The following RBFOX1 variants were observed in gnomAD, a reference collection of about 807,000 sequenced individuals.
RBFOX1 encodes the protein RNA binding protein fox-1 homolog 1.
Under a neutral mutation model 57.7 loss-of-function variants are expected in RBFOX1, and 8 were observed. The observed-to-expected ratio is 0.14, with a 90% CI of 0.08 to 0.25. RBFOX1 has a LOEUF of 0.25. Among genes scored for constraint, RBFOX1 ranks in the 10% least tolerant of loss-of-function variants. The pLI is 1.00. For missense variants in RBFOX1, 611 were observed against 548.5 expected (o/e 1.11, Z -1.14); for synonymous variants, 326 against 222.4 (o/e 1.47, Z -4.15).
At chr16:7,203,370 G>C (rs1293210588) in intron 4 of RBFOX1, among the ~76,000 whole-genome samples, 1 of 152,198 alleles carries the variant, frequency 6.6e-6, no homozygotes, top group African/African-American at 2.4e-5. Flanking sequence ...GTGGTGGCTG[G>C]TGGAGAGGAA....
At chr16:6,811,927 G>GA (rs950498462) in intron 3 of RBFOX1, among the ~76,000 whole-genome samples, 5 of 152,048 alleles carry the variant, frequency 3.3e-5, no homozygotes, top group African/African-American at 4.8e-5. Flanking sequence ...ATAAGGCACA[G>GA]AAAAAAATAC....
At chr16:7,547,399 G>A (rs1026029000) in intron 5 of RBFOX1, among the ~76,000 whole-genome samples, 1 of 152,194 alleles carries the variant, frequency 6.6e-6, no homozygotes, top group Non-Finnish European at 1.5e-5. Context: ...TTTATTAAGT[G>A]AGCACCTTGC....
intron 4 of RBFOX1, among the ~76,000 whole-genome samples, chr16:7,452,753 C>T (rs559765978): frequency 6.6e-6 from 1 of 152,256 alleles, no homozygotes; most frequent in Middle Eastern, 3.4e-3. Flanking sequence ...CTGATCATGG[C>T]TGCCAAGACC....
chr16:5,986,688 T>G (rs141286694), intron 4 of RBFOX1, among the ~76,000 whole-genome samples: 6 of 152,326 alleles, frequency 3.9e-5, no homozygotes, highest in African/African-American at 1.4e-4. Context: ...TCCCTGAAGA[T>G]TCCCCCAAGT....
intron 3 of RBFOX1, among the ~76,000 whole-genome samples, chr16:6,987,229 G>T (rs2090485867): frequency 6.6e-6 from 1 of 152,082 alleles, no homozygotes; most frequent in Non-Finnish European, 1.5e-5. Flanking sequence ...GAAAACTTTG[G>T]CCCTGGTTAT....
chr16:6,469,399 A>G (rs532264729), intron 2 of RBFOX1, among the ~76,000 whole-genome samples: 65 of 152,254 alleles, frequency 4.3e-4, no homozygotes, highest in African/African-American at 1.5e-3. Flanking sequence ...TAAGAGACCC[A>G]CATAGACAAG....
intron 3 of RBFOX1, among the ~76,000 whole-genome samples, chr16:7,016,661 G>A (rs1251078911): frequency 2.6e-5 from 4 of 152,192 alleles, no homozygotes; most frequent in Admixed American, 1.3e-4. Context: ...AAACCAGAAA[G>A]TGGAAATGCT....
chr16:5,589,846 C>A (rs957317270), intron 2 of RBFOX1, among the ~76,000 whole-genome samples: 1 of 152,170 alleles, frequency 6.6e-6, no homozygotes, highest in Non-Finnish European at 1.5e-5. Context: ...GCTCTCCTTC[C>A]ACTCCACTGC....
intron 4 of RBFOX1, among the ~76,000 whole-genome samples, chr16:5,936,462 G>A (rs535245120): frequency 9.9e-5 from 15 of 152,256 alleles, no homozygotes; most frequent in Admixed American, 3.3e-4. Context: ...AGTAAGGCAG[G>A]ACAGTGAGAC....
At chr16:6,660,028 C>G (rs1365366415) in intron 3 of RBFOX1, among the ~76,000 whole-genome samples, 1 of 151,926 alleles carries the variant, frequency 6.6e-6, no homozygotes, top group Middle Eastern at 3.2e-3. Context: ...AGTTCGAGAC[C>G]ACCATGGCCA....
At chr16:7,043,845 C>G (rs1186771105) in intron 3 of RBFOX1, among the ~76,000 whole-genome samples, 4 of 152,322 alleles carry the variant, frequency 2.6e-5, no homozygotes, top group East Asian at 3.9e-4. Context: ...CATAATCTCA[C>G]TGAGCTTTCC....
chr16:7,642,219 T>C (rs577702679), intron 11 of RBFOX1, among the ~76,000 whole-genome samples: 1 of 152,302 alleles, frequency 6.6e-6, no homozygotes, highest in Admixed American at 6.5e-5. Flanking sequence ...TATGGGTGTT[T>C]TGGAGGCTCT....
chr16:5,319,381 C>T (rs756419400), intron 1 of RBFOX1, among the ~76,000 whole-genome samples: 1 of 152,108 alleles, frequency 6.6e-6, no homozygotes, highest in African/African-American at 2.4e-5. Flanking sequence ...GGTTCACAGC[C>T]CTGTTCTAGT....
intron 3 of RBFOX1, among the ~76,000 whole-genome samples, chr16:6,959,597 C>G (rs965366966): frequency 6.6e-6 from 1 of 152,108 alleles, no homozygotes; most frequent in Non-Finnish European, 1.5e-5. Flanking sequence ...AACAGGCAGG[C>G]CTCTGTAACA....
At chr16:7,193,510 G>A (rs911696875) in intron 4 of RBFOX1, among the ~76,000 whole-genome samples, 1 of 152,214 alleles carries the variant, frequency 6.6e-6, no homozygotes, top group African/African-American at 2.4e-5. Context: ...ATACAGGCAA[G>A]TAATCAATAT....
chr16:7,549,696 T>C (rs1601581398), intron 5 of RBFOX1, among the ~76,000 whole-genome samples: 1 of 152,260 alleles, frequency 6.6e-6, no homozygotes, highest in African/African-American at 2.4e-5. Context: ...GCCGGAAGAC[T>C]GGGCCAGTTT....
chr16:5,664,083 G>A (rs938381822), intron 3 of RBFOX1, among the ~76,000 whole-genome samples: 4 of 152,152 alleles, frequency 2.6e-5, no homozygotes, highest in Admixed American at 2.0e-4. Flanking sequence ...CACCCTTCTC[G>A]GCAGCTGCCT....
At chr16:6,677,444 C>G (rs2057926708) in intron 3 of RBFOX1, among the ~76,000 whole-genome samples, 1 of 152,016 alleles carries the variant, frequency 6.6e-6, no homozygotes, top group African/African-American at 2.4e-5. Context: ...ACTTATTGCC[C>G]CTAAAAGGCT....
chr16:6,957,597 A>C (rs950710812), intron 3 of RBFOX1, among the ~76,000 whole-genome samples: 11 of 152,176 alleles, frequency 7.2e-5, no homozygotes, highest in African/African-American at 2.6e-4. Context: ...TGGCATCTTT[A>C]CTGCAACCTG....
Sources: gnomAD v4.1 joint callset for allele counts (sites outside exome capture counted in the v4.1 genomes callset) on GRCh38, gnomAD v4.1.1 for gene constraint, MANE v1.5 for transcripts, NCBI Gene and HGNC (gene_info 2026-07-23, HGNC 2026-07-21) for gene names.